CANX: variants seen among roughly 807,000 people sequenced by gnomAD.
The protein encoded by CANX is epididymis secretory sperm binding protein.
Under a neutral mutation model 75.7 loss-of-function variants are expected in CANX, and 14 were observed. That is an observed-to-expected ratio of 0.19 (90% CI 0.12 to 0.29). CANX has a LOEUF of 0.29. Ranked by LOEUF, CANX falls within the 10% of genes least tolerant of loss-of-function variation. The probability of loss-of-function intolerance (pLI) is 1.00; values close to 1 mark genes in which losing one functional copy is unlikely to be tolerated. For missense variants in CANX, 567 were observed against 713.2 expected, an observed-to-expected ratio of 0.79 and a Z score of 2.34; for synonymous variants, 227 against 236.9, an observed-to-expected ratio of 0.96 and a Z score of 0.38.
chr5:179,687,904 G>A (rs1044700296), intron 1 of CANX, among the ~76,000 whole-genome samples: 10 of 151,574 alleles, frequency 6.6e-5, no homozygotes, highest in African/African-American at 9.7e-5. Context: ...GTGTGGTGGC[G>A]CACACCTGTG....
At chr5:179,688,822 G>T (rs576699125) in intron 1 of CANX, among the ~76,000 whole-genome samples, 3 of 149,826 alleles carry the variant, frequency 2.0e-5, no homozygotes, top group African/African-American at 4.9e-5. Context: ...CTAAAAATAC[G>T]AAAATTAGCC....
intron 13 of CANX, among the ~76,000 whole-genome samples, chr5:179,725,008 CCT>C (rs985977534): frequency 3.3e-4 from 50 of 151,854 alleles, no homozygotes; most frequent in Non-Finnish European, 5.9e-4. Flanking sequence ...AGAGTGAGAC[CCT>C]GTCTCTCTCT....
upstream of CANX, chr5:179,698,959 C>A (rs989031669): frequency 1.8e-5 from 20 of 1,115,438 alleles, no homozygotes; most frequent in Non-Finnish European, 2.0e-5. Flanking sequence ...GGGGCTCGCT[C>A]GCGCGGCAGC....
At position 179,728,546 on chromosome 5, in the gene CANX, T is replaced by A. The variant is rs537844454; in HGVS notation, c.1726-45T>A. On this transcript the variant is annotated intron_variant, in intron 14 of 14. Coordinates refer to ENST00000247461, the MANE Select transcript of CANX (RefSeq NM_001746.4). Reference sequence around the variant, plus strand: ...TTGAAAATATGGTGAACTTTTATTATTTTTTAAATGTGCTAATTATAATGA... The same window carrying A: ...TTGAAAATATGGTGAACTTTTATTAATTTTTAAATGTGCTAATTATAATGA... 228 of 1,173,610 alleles carry A rather than the reference T, an allele frequency of 1.9e-4. 2 individuals carry two copies. In the Middle Eastern group the frequency reaches 3.2e-3, roughly 16 times the overall value. The allele number at this position is 1,173,610 out of a possible 1,614,324, so 72.7% of individuals were successfully genotyped here. A position where few individuals can be genotyped will look rare whatever the true frequency, so the allele number is the denominator to read the frequency against.
Position 179,705,775 on chromosome 5 carries a change from G to C in CANX, c.94G>C (p.Glu32Gln), listed in dbSNP as rs746759221. Residue 32 changes from glutamate (E) to glutamine (Q), a missense_variant, in exon 2 of 15, where the codon GAG becomes CAG. Glu to Gln is a conservative substitution (Grantham distance 29). Coordinates refer to ENST00000247461, the MANE Select transcript of CANX (RefSeq NM_001746.4). ...ACATGATGATGATGTGATTGATATT[G>C]AGGATGACCTTGACGATGTCATTGA... is the stretch of plus-strand genomic sequence containing the variant. Reference protein sequence around the residue: ...DGHDDDVIDIEDDLDDVIEEV... With the variant: ...DGHDDDVIDIQDDLDDVIEEV... 2 of 1,611,214 alleles carry C rather than the reference G, an allele frequency of 1.2e-6. No individual in the cohort carries two copies. Among genetic ancestry groups the C allele is most frequent in the African/African-American group, 1.3e-5 (1 of 74,862 alleles).
intron 1 of CANX, among the ~76,000 whole-genome samples, chr5:179,685,516 G>A (rs1776174515): frequency 6.8e-6 from 1 of 147,264 alleles, no homozygotes; most frequent in African/African-American, 2.5e-5. Flanking sequence ...CCAAAGTGCT[G>A]GGATTACAGG....
At chr5:179,691,944 A>AT (rs1190216832) in intron 1 of CANX, among the ~76,000 whole-genome samples, 1 of 148,626 alleles carries the variant, frequency 6.7e-6, no homozygotes, top group African/African-American at 2.5e-5. Context: ...CGCCCGGCTA[A>AT]TTTTTTTTGT....
At chr5:179,688,090 G>A (rs1310547575) in intron 1 of CANX, among the ~76,000 whole-genome samples, 5 of 146,666 alleles carry the variant, frequency 3.4e-5, no homozygotes, top group Admixed American at 2.7e-4. Context: ...ATGGAGTGTC[G>A]CTCTGTTGCC....
intron 2 of CANX, 86 bp downstream of exon 2, chr5:179,705,938 C>A (rs1310417441): frequency 2.8e-5 from 31 of 1,120,374 alleles, no homozygotes; most frequent in Non-Finnish European, 4.1e-5. Flanking sequence ...AATGTAGTCT[C>A]AACTACTCAG....
At chr5:179,726,816 A>G in intron 14 of CANX, 57 bp downstream of exon 14, 1 of 1,309,546 alleles carries the variant, frequency 7.6e-7, no homozygotes, top group East Asian at 2.3e-5. Context: ...ATTTATGTAA[A>G]GGGAATATTT....
chr5:179,679,329 C>T (rs1050293266), intron 1 of CANX: 4 of 1,330,246 alleles, frequency 3.0e-6, no homozygotes, highest in South Asian at 1.5e-5. Flanking sequence ...ACCGCGAGGC[C>T]GGCGGACATG....
intron 6 of CANX, 77 bp downstream of exon 6, chr5:179,709,136 C>A: frequency 1.1e-6 from 1 of 879,894 alleles, no homozygotes; most frequent in Non-Finnish European, 1.9e-6. Flanking sequence ...GGGCCGGGTG[C>A]AGTGGCTCAC....
At chr5:179,709,656 T>G in intron 6 of CANX, 1 of 402,926 alleles carries the variant, frequency 2.5e-6, no homozygotes, top group Non-Finnish European at 4.4e-6. Flanking sequence ...TGTCTAGATG[T>G]GTGCATTACT....
intron 11 of CANX, chr5:179,723,348 T>C (rs71613416): frequency 0.15 from 61,562 of 413,330 alleles, 5,052 homozygotes; most frequent in East Asian, 0.28. Context: ...CAACTGGTCA[T>C]GTGGCCGATT....
intron 8 of CANX, among the ~76,000 whole-genome samples, chr5:179,718,286 C>G (rs1034840422): frequency 6.6e-6 from 1 of 151,996 alleles, no homozygotes; most frequent in African/African-American, 2.4e-5. Flanking sequence ...AAACGATTCT[C>G]GTGCCTCAGC....
chr5:179,691,840 C>T (rs932054728), intron 1 of CANX, among the ~76,000 whole-genome samples: 4 of 152,034 alleles, frequency 2.6e-5, no homozygotes, highest in Non-Finnish European at 5.9e-5. Flanking sequence ...TGCAGTGGCA[C>T]GAACTCAGCT....
intron 1 of CANX, among the ~76,000 whole-genome samples, chr5:179,687,655 C>G (rs1409748515): frequency 2.0e-5 from 3 of 152,108 alleles, no homozygotes; most frequent in African/African-American, 7.2e-5. Context: ...GTCTGATGGA[C>G]ATGGAATCAG....
intron 1 of CANX, among the ~76,000 whole-genome samples, chr5:179,702,806 T>C (rs1776857763): frequency 6.6e-6 from 1 of 152,176 alleles, no homozygotes; most frequent in Non-Finnish European, 1.5e-5. Context: ...TCACTCTTGT[T>C]GGCCAGGCTG....
chr5:179,723,230 T>A (rs1293197458), intron 11 of CANX, among the ~76,000 whole-genome samples: 1 of 152,168 alleles, frequency 6.6e-6, no homozygotes, highest in Admixed American at 6.5e-5. Flanking sequence ...CAGGGTTTTT[T>A]TTTTATTATT....
Sources: gnomAD v4.1 joint callset for allele counts (sites outside exome capture counted in the v4.1 genomes callset) on GRCh38, gnomAD v4.1.1 for gene constraint, MANE v1.5 for transcripts, NCBI Gene and HGNC (gene_info 2026-07-23, HGNC 2026-07-21) for gene names.